The following CSRNP2 variants were observed in gnomAD, a reference collection of about 807,000 sequenced individuals.
The protein encoded by CSRNP2 is cysteine/serine-rich nuclear protein 2.
In CSRNP2, 11 loss-of-function variants were observed where a neutral mutation model predicts 36.6. The observed-to-expected ratio is 0.30, with a 90% CI of 0.19 to 0.50. The LOEUF (loss-of-function observed/expected upper bound fraction) is 0.50, where lower values mean the gene tolerates loss of function less well. Among genes scored for constraint, CSRNP2 ranks in the 20% least tolerant of loss-of-function variants. CSRNP2 has a pLI of 0.98. For missense variants in CSRNP2, 483 were observed against 691.4 expected (o/e 0.70, Z 3.38); for synonymous variants, 248 against 275.3 (o/e 0.90, Z 0.98).
chr12:51,070,522 G>A lies in CSRNP2; in HGVS notation c.412-2553C>T, dbSNP rs961624379. 5.3e-5 allele frequency among the ~76,000 whole-genome samples: 8 copies of A among 152,218 alleles called. No individual in the cohort carries two copies. The East Asian group carries it at 1.5e-3, about 29-fold the overall frequency. On this transcript the variant is annotated intron_variant, in intron 3 of 4. Coordinates refer to ENST00000228515, the MANE Select transcript of CSRNP2 (RefSeq NM_030809.3). ...CACGAGGACACTCATATAGATGTGA[G>A]AATTTAAATATCGAGATAGAAGTGG...
In CSRNP2 at chr12:51,061,854, C is replaced by G. The variant is rs913142833; in HGVS notation, c.*1892G>C. 6.6e-6 allele frequency: 1 copy of G among 152,148 alleles called. No homozygotes were observed. The highest frequency in any genetic ancestry group is 6.5e-5 in the Admixed American group (1 of 15,270). 9.4% of individuals were successfully genotyped at this position (152,148 alleles called of 1,614,324 possible). On this transcript the variant is annotated 3_prime_UTR_variant, in exon 5 of 5. Transcript: ENST00000228515. Reference sequence around the variant, plus strand: ...TCCGACACAAACTTTGAAAAAGATTCTTTTCTCCATAAAGCCAAATTCCCA... The same window carrying G: ...TCCGACACAAACTTTGAAAAAGATTGTTTTCTCCATAAAGCCAAATTCCCA...
intron 1 of CSRNP2, among the ~76,000 whole-genome samples, chr12:51,081,899 A>G (rs2136938622): frequency 2.0e-5 from 3 of 152,326 alleles, no homozygotes; most frequent in Middle Eastern, 6.8e-3. Context: ...CCCAGGCAAA[A>G]TTTTCTGGAA....
chr12:51,063,520 GCTTT>G lies in CSRNP2; in HGVS notation c.*222_*225del, dbSNP rs1448528577. The G allele has an allele frequency of 8.3e-6, 3 of 362,608 alleles. No homozygotes were observed. Among genetic ancestry groups the G allele is most frequent in the Non-Finnish European group, 1.5e-5 (3 of 201,160 alleles). 22.5% of individuals were successfully genotyped at this position (362,608 alleles called of 1,614,324 possible). On this transcript the variant is annotated 3_prime_UTR_variant, in exon 5 of 5. Coordinates refer to ENST00000228515, the MANE Select transcript of CSRNP2 (RefSeq NM_030809.3). ...AAAGCTTAATGTTCAGCACTACGCAGCTTTCTTTGCCCCAAGACTATCCCCAGAT... is the reference window on the plus strand; with the variant it reads ...AAAGCTTAATGTTCAGCACTACGCAGCTTTGCCCCAAGACTATCCCCAGAT...
Position 51,063,697 on chromosome 12 carries a change from A to G in CSRNP2, c.*49T>C. ...TTGTTTTGAAATGGTGTTAGATAAA[A>G]TAAGGGAATAAATAGAGAATGGGTA... On this transcript the variant is annotated 3_prime_UTR_variant, in exon 5 of 5. Transcript: ENST00000228515. 2 of 1,390,136 alleles carry G rather than the reference A, an allele frequency of 1.4e-6. No individual in the cohort carries two copies. The highest frequency in any genetic ancestry group is 1.9e-6 in the Non-Finnish European group (2 of 1,041,368). The allele number at this position is 1,390,136 out of a possible 1,614,324, so 86.1% of individuals were successfully genotyped here.
Position 51,063,938 on chromosome 12 carries a change from G to A in CSRNP2, c.1440C>T (p.Thr480=). 6.2e-7 allele frequency: 1 copy of A among 1,613,444 alleles called. No homozygotes were observed. The highest frequency in any genetic ancestry group is 8.5e-7 in the Non-Finnish European group (1 of 1,179,480). Reference sequence around the variant, plus strand: ...AATCTTCGGGCAATAGAGCTTCTAGGGTGGGTGTTTTCCCCACCTCTGATT... The same window carrying A: ...AATCTTCGGGCAATAGAGCTTCTAGAGTGGGTGTTTTCCCCACCTCTGATT... The part of the protein sequence containing the change: ...LCKSEVGKTP[T]LEALLPEDCN... Residue 480 remains threonine, a synonymous_variant, in exon 5 of 5, where the codon ACC becomes ACT. Coordinates refer to ENST00000228515, the MANE Select transcript of CSRNP2 (RefSeq NM_030809.3).
intron 2 of CSRNP2, among the ~76,000 whole-genome samples, chr12:51,074,510 C>T (rs1166362875): frequency 6.6e-6 from 1 of 152,190 alleles, no homozygotes; most frequent in African/African-American, 2.4e-5. Flanking sequence ...TAAACGTGCT[C>T]TCTATATCTA....
At chr12:51,077,778 C>G (rs958997449) in intron 1 of CSRNP2, among the ~76,000 whole-genome samples, 1 of 152,152 alleles carries the variant, frequency 6.6e-6, no homozygotes, top group Admixed American at 6.5e-5. Context: ...AATCTTTGCC[C>G]TCTATAAAGA....
rs1948825985 is a variant in CSRNP2 at position 51,061,402 on chromosome 12, A to G, written c.*2344T>C. ...AATAAGGGTTGTGGTAATAAGAGTC[A>G]TTTATCTAGGCCTAGACTGGGACTG... On this transcript the variant is annotated 3_prime_UTR_variant, in exon 5 of 5. Transcript: ENST00000228515. The G allele has an allele frequency of 6.6e-6, 1 of 152,632 alleles. No individual in the cohort carries two copies. Among genetic ancestry groups the G allele is most frequent in the East Asian group, 1.9e-4 (1 of 5,194 alleles). The allele number at this position is 152,632 out of a possible 1,614,324, so 9.5% of individuals were successfully genotyped here.
intron 3 of CSRNP2, among the ~76,000 whole-genome samples, chr12:51,069,291 T>C (rs11169693): frequency 0.048 from 7,130 of 147,702 alleles, 388 homozygotes; most frequent in African/African-American, 0.14. Context: ...TCCTTTCTTT[T>C]TTTTTTTTTT....
intron 4 of CSRNP2, among the ~76,000 whole-genome samples, chr12:51,066,564 CCAGGAGGTGGAGGTAG>C (rs1172186415): frequency 6.6e-6 from 1 of 151,696 alleles, no homozygotes; most frequent in African/African-American, 2.4e-5. Flanking sequence ...TCACTTGAAC[CCAGGAGGTGGAGGTAG>C]CAGTGAGCCA....
At chr12:51,080,730 G>T (rs760194885) in intron 1 of CSRNP2, among the ~76,000 whole-genome samples, 5 of 152,066 alleles carry the variant, frequency 3.3e-5, no homozygotes, top group Non-Finnish European at 5.9e-5. Context: ...TCTGACATTA[G>T]CTCCACCATT....
chr12:51,072,575 A>C (rs1939218474), intron 3 of CSRNP2, among the ~76,000 whole-genome samples: 1 of 142,518 alleles, frequency 7.0e-6, no homozygotes, highest in Admixed American at 7.1e-5. Flanking sequence ...AAAAAAAAAA[A>C]AAAAAAAAAA....
At chr12:51,075,701 C>T (rs141434039) in intron 2 of CSRNP2, among the ~76,000 whole-genome samples, 235 of 152,330 alleles carry the variant, frequency 1.5e-3, no homozygotes, top group African/African-American at 5.2e-3. Flanking sequence ...GGCCCATGGG[C>T]AACCCCTCAT....
At position 51,075,972 on chromosome 12, in the gene CSRNP2, AC is replaced by A. The variant is rs1386082464; in HGVS notation, c.151+438del. 3.3e-5 allele frequency among the ~76,000 whole-genome samples: 5 copies of A among 151,952 alleles called. No individual in the cohort carries two copies. The East Asian group carries it at 9.6e-4, about 29-fold the overall frequency. On this transcript the variant is annotated intron_variant, in intron 2 of 4. Coordinates refer to ENST00000228515, the MANE Select transcript of CSRNP2 (RefSeq NM_030809.3). ...GGCCTGAAGCAGGAGAATCACTTGA[AC>A]CCGGCAGGCAGAGGTTGCAGTGAGC...
At chr12:51,069,204 TGA>T (rs1293519104) in intron 3 of CSRNP2, among the ~76,000 whole-genome samples, 1 of 151,868 alleles carries the variant, frequency 6.6e-6, no homozygotes, top group Non-Finnish European at 1.5e-5. Flanking sequence ...CTCAATCTCC[TGA>T]CCTTGTAATC....
In CSRNP2 at chr12:51,072,297, C is replaced by T. The variant is rs530864634; in HGVS notation, c.411+1526G>A. ...ATGGGTGGCCAAGTGCGGTGGCTCA[C>T]GCCTATAATCCCAGCACTTTGTGAG... On this transcript the variant is annotated intron_variant, in intron 3 of 4. Coordinates refer to ENST00000228515, the MANE Select transcript of CSRNP2 (RefSeq NM_030809.3). 1.5e-4 allele frequency among the ~76,000 whole-genome samples: 23 copies of T among 152,120 alleles called. No individual in the cohort carries two copies. In the East Asian group the frequency reaches 3.3e-3, roughly 22 times the overall value.
chr12:51,064,444 C>T lies in CSRNP2; in HGVS notation c.934G>A (p.Asp312Asn). 4 of 1,610,828 alleles carry T rather than the reference C, an allele frequency of 2.5e-6. No individual in the cohort carries two copies. Among genetic ancestry groups the T allele is most frequent in the Non-Finnish European group, 3.4e-6 (4 of 1,177,832 alleles). The change falls in exon 5 of 5, where the codon GAC becomes AAC. Residue 312 changes from aspartate (D) to asparagine (N), a missense_variant. Asp to Asn is a conservative substitution (Grantham distance 23). Around this residue, in one of 2 missense-constraint regions of CSRNP2, gnomAD observed 277 missense variants for 323.6 expected, o/e 0.86. Transcript: ENST00000228515. ...TTCTCAGCAATGAACTCCTGGAAGT[C>T]CTGGGTCTCAGAGCCCTGTGCTCCT... ...LTGAQGSETQ[D>N]FQEFIAENET... is the part of the protein sequence containing the mutation.
At chr12:51,078,412 A>T (rs1939481831) in intron 1 of CSRNP2, among the ~76,000 whole-genome samples, 1 of 151,836 alleles carries the variant, frequency 6.6e-6, no homozygotes, top group Non-Finnish European at 1.5e-5. Context: ...AAAAAAATCA[A>T]GTATTTGATA....
At chr12:51,083,060 C>A (rs1939703843) in intron 1 of CSRNP2, 1 of 152,394 alleles carries the variant, frequency 6.6e-6, no homozygotes, top group Non-Finnish European at 1.5e-5. Context: ...CATCTGCAAT[C>A]CTGCAGGCTT....
Sources: gnomAD v4.1 joint callset for allele counts (sites outside exome capture counted in the v4.1 genomes callset) on GRCh38, gnomAD v4.1.1 for gene constraint, gnomAD v4.1.1 regional missense constraint, MANE v1.5 for transcripts, NCBI Gene and HGNC (gene_info 2026-07-23, HGNC 2026-07-21) for gene names.